Variants in CPNE4 observed in about 807,000 individuals in gnomAD.
CPNE4 encodes copine 4, also known as copine-4.
A neutral mutation model predicts 67.9 loss-of-function variants in CPNE4; 25 were observed. That is an observed-to-expected ratio of 0.37 (90% CI 0.27 to 0.51). CPNE4 has a LOEUF of 0.51. CPNE4 is among the 20% of genes least tolerant of loss of function. The pLI is 0.93. For missense variants in CPNE4, 464 were observed against 690.8 expected (o/e 0.67, Z 3.68); for synonymous variants, 242 against 244.9 (o/e 0.99, Z 0.11).
chr3:131,857,464 T>C (rs1481317913), intron 2 of CPNE4, among the ~76,000 whole-genome samples: 1 of 151,866 alleles, frequency 6.6e-6, no homozygotes, highest in African/African-American at 2.4e-5. Context: ...GGCTAAACAG[T>C]AGGATGCAGT....
intron 2 of CPNE4, among the ~76,000 whole-genome samples, chr3:131,889,009 G>A (rs1380951009): frequency 6.6e-6 from 1 of 152,142 alleles, no homozygotes; most frequent in African/African-American, 2.4e-5. Flanking sequence ...TTTACATACT[G>A]AGAACTAAGT....
intron 2 of CPNE4, among the ~76,000 whole-genome samples, chr3:131,726,790 G>C (rs549812670): frequency 2.0e-5 from 3 of 152,112 alleles, no homozygotes; most frequent in Non-Finnish European, 4.4e-5. Flanking sequence ...GATTTAGTGA[G>C]TATATGGTAG....
chr3:131,943,212 C>A (rs1221879209), intron 1 of CPNE4, among the ~76,000 whole-genome samples: 1 of 152,084 alleles, frequency 6.6e-6, no homozygotes, highest in African/African-American at 2.4e-5. Context: ...ATTCCTACAG[C>A]AAAAATGTGT....
At chr3:131,574,964 C>T (rs1391888280) in intron 10 of CPNE4, 107 bp downstream of exon 10, 9 of 904,206 alleles carry the variant, frequency 1.0e-5, no homozygotes, top group African/African-American at 5.0e-5. Flanking sequence ...ACAAAGCTGC[C>T]TGAAGGTTTT....
chr3:131,675,057 C>T (rs889412484), intron 6 of CPNE4, among the ~76,000 whole-genome samples: 1 of 151,958 alleles, frequency 6.6e-6, no homozygotes, highest in Non-Finnish European at 1.5e-5. Context: ...TTCTTAATTT[C>T]TTCATTGATC....
At chr3:131,626,931 A>G (rs2079087927) in intron 7 of CPNE4, among the ~76,000 whole-genome samples, 1 of 152,190 alleles carries the variant, frequency 6.6e-6, no homozygotes, top group East Asian at 1.9e-4. Context: ...ACGGTGGCTC[A>G]CGCCTGTAAT....
At chr3:131,667,560 A>C in intron 7 of CPNE4, among the ~76,000 whole-genome samples, 1 of 152,028 alleles carries the variant, frequency 6.6e-6, no homozygotes, top group Admixed American at 6.6e-5. Flanking sequence ...TCCAAACGTC[A>C]ATAGTGCACG....
intron 4 of CPNE4, among the ~76,000 whole-genome samples, chr3:131,698,118 C>T (rs1318263421): frequency 6.6e-6 from 1 of 150,626 alleles, no homozygotes; most frequent in East Asian, 1.9e-4. Context: ...GCCTGTAGTC[C>T]CAGCTACTCG....
intron 11 of CPNE4, among the ~76,000 whole-genome samples, chr3:131,559,150 A>C (rs577495281): frequency 1.3e-5 from 2 of 152,152 alleles, no homozygotes; most frequent in South Asian, 4.1e-4. Context: ...GCTTTAAATA[A>C]ATTTTGGCAG....
At chr3:131,953,578 A>G (rs1304736013) in intron 1 of CPNE4, among the ~76,000 whole-genome samples, 1 of 152,218 alleles carries the variant, frequency 6.6e-6, no homozygotes, top group Non-Finnish European at 1.5e-5. Context: ...TCACTTGATT[A>G]TGGTGGCGTA....
intron 1 of CPNE4, among the ~76,000 whole-genome samples, chr3:131,924,019 A>G (rs2070821646): frequency 6.6e-6 from 1 of 152,192 alleles, no homozygotes; most frequent in Non-Finnish European, 1.5e-5. Flanking sequence ...TCAACAGAAC[A>G]GGAGACTCAA....
chr3:131,667,471 G>A (rs568075709), intron 7 of CPNE4, among the ~76,000 whole-genome samples: 120 of 151,846 alleles, frequency 7.9e-4, no homozygotes, highest in African/African-American at 2.8e-3. Context: ...ATGTGACGGG[G>A]GTGAAATGCT....
At chr3:131,714,356 T>C (rs750766909) in intron 3 of CPNE4, among the ~76,000 whole-genome samples, 17 of 152,308 alleles carry the variant, frequency 1.1e-4, no homozygotes, top group Non-Finnish European at 1.6e-4. Flanking sequence ...CAATGGATAA[T>C]AAGTCCATTT....
At chr3:131,596,732 C>CT (rs2107716337) in intron 7 of CPNE4, among the ~76,000 whole-genome samples, 1 of 150,664 alleles carries the variant, frequency 6.6e-6, no homozygotes, top group East Asian at 2.0e-4. Flanking sequence ...AGCACTGAGG[C>CT]TTTTCTGAAG....
At chr3:131,805,311 T>C (rs57399175) in intron 2 of CPNE4, among the ~76,000 whole-genome samples, 3,150 of 152,260 alleles carry the variant, frequency 0.021, 125 homozygotes, top group African/African-American at 0.072. Context: ...GCTTCCCATG[T>C]TTGTGGCAAG....
At chr3:131,754,840 T>C (rs1176961836) in intron 2 of CPNE4, among the ~76,000 whole-genome samples, 2 of 152,222 alleles carry the variant, frequency 1.3e-5, no homozygotes, top group African/African-American at 4.8e-5. Flanking sequence ...CAGAGGTATT[T>C]TGTATTTGAT....
intron 2 of CPNE4, among the ~76,000 whole-genome samples, chr3:131,726,721 G>T (rs1242253045): frequency 2.3e-5 from 3 of 132,606 alleles, no homozygotes; most frequent in Admixed American, 1.5e-4. Flanking sequence ...ATCAACTGGG[G>T]GGGGCGGGGG....
Position 131,934,863 on chromosome 3 carries a change from C to T in CPNE4, c.-1-29419G>A, listed in dbSNP as rs141060481. On this transcript the variant is annotated intron_variant, in intron 1 of 15. Transcript: ENST00000429747. ...CTGATTAGAAAAGGGATGCTTCTTC[C>T]ATTAATCATCAAGGAAGAAAATGCA... 3.9e-3 allele frequency among the ~76,000 whole-genome samples: 595 copies of T among 152,170 alleles called. 6 individuals carry two copies. The highest frequency in any genetic ancestry group is 0.013 in the African/African-American group (558 of 41,530).
intron 7 of CPNE4, among the ~76,000 whole-genome samples, chr3:131,596,689 G>C (rs189554953): frequency 6.7e-6 from 1 of 150,362 alleles, no homozygotes; most frequent in African/African-American, 2.4e-5. Flanking sequence ...ATCTGGATGG[G>C]CCTGATACAA....
Sources: gnomAD v4.1 joint callset for allele counts (sites outside exome capture counted in the v4.1 genomes callset) on GRCh38, gnomAD v4.1.1 for gene constraint, MANE v1.5 for transcripts, NCBI Gene and HGNC (gene_info 2026-07-23, HGNC 2026-07-21) for gene names.